Variants in GYS1 observed in about 807,000 individuals in gnomAD.
GYS1 encodes the protein glycogen synthase 1, also known as glycogen [starch] synthase, muscle.
A neutral mutation model predicts 89.1 loss-of-function variants in GYS1; 60 were observed. The observed-to-expected ratio is 0.67, with a 90% CI of 0.55 to 0.84. The LOEUF is 0.84. GYS1 is among the 40% of genes least tolerant of loss of function. The pLI, the probability that GYS1 is intolerant of heterozygous loss-of-function variation, is 0.00. For synonymous variants in GYS1, 366 were observed against 401.7 expected (o/e 0.91, Z 1.06); for missense variants, 888 against 1,003.1 (o/e 0.89, Z 1.55).
intron 5 of GYS1, 90 bp downstream of exon 5, chr19:48,985,371 C>T: frequency 1.5e-6 from 2 of 1,330,122 alleles, no homozygotes; most frequent in Non-Finnish European, 2.1e-6. Context: ...TTTCAACTTA[C>T]AGTGGGCTTC....
In GYS1 at chr19:48,991,586, C is replaced by T. The variant is rs2038929305; in HGVS notation, c.119-103G>A. ...TGTAGGGGGCACTCAGGCCCCAGACCTCTAGCTCAGGGGGAAGAGGGGACT... is the reference window on the plus strand; with the variant it reads ...TGTAGGGGGCACTCAGGCCCCAGACTTCTAGCTCAGGGGGAAGAGGGGACT... On this transcript the variant is annotated intron_variant, in intron 1 of 15. Coordinates refer to ENST00000323798, the MANE Select transcript of GYS1 (RefSeq NM_002103.5). The surrounding 1 kb of genome is among the most constrained non-coding windows in gnomAD (Gnocchi z 4.7). 2 of 1,267,564 alleles carry T rather than the reference C, an allele frequency of 1.6e-6. No individual in the cohort carries two copies. Among genetic ancestry groups the T allele is most frequent in the Non-Finnish European group, 1.1e-6 (1 of 880,560 alleles). 78.5% of individuals were successfully genotyped at this position (1,267,564 alleles called of 1,614,324 possible). A position where few individuals can be genotyped will look rare whatever the true frequency, so the allele number is the denominator to read the frequency against.
chr19:48,992,354 G>C (rs902453639), intron 1 of GYS1, among the ~76,000 whole-genome samples: 2 of 152,044 alleles, frequency 1.3e-5, no homozygotes, highest in African/African-American at 4.8e-5. Flanking sequence ...TCCCATCCTA[G>C]GGCCCAGCCT....
chr19:48,970,139 T>C (rs1479843410), intron 14 of GYS1: 2 of 514,098 alleles, frequency 3.9e-6, no homozygotes, highest in Non-Finnish European at 7.0e-6. Context: ...TTTTTTTCTT[T>C]TTAAACACGG....
intron 5 of GYS1, among the ~76,000 whole-genome samples, chr19:48,983,133 T>C (rs1341653916): frequency 6.6e-6 from 1 of 152,046 alleles, no homozygotes; most frequent in Non-Finnish European, 1.5e-5. Context: ...ACTACAGGCG[T>C]GCACTACCAC....
At chr19:48,970,194 G>A (rs1287410006) in intron 14 of GYS1, 35 of 466,124 alleles carry the variant, frequency 7.5e-5, no homozygotes, top group Middle Eastern at 6.0e-4. Context: ...GTTTGAACAA[G>A]GCTCACTGCA....
chr19:48,981,710 G>A, intron 7 of GYS1, 74 bp from the exon 8 acceptor site: 1 of 908,456 alleles, frequency 1.1e-6, no homozygotes, highest in Middle Eastern at 2.2e-4. Context: ...TTTCTGTCAA[G>A]ACCACTGGGA....
intron 10 of GYS1, among the ~76,000 whole-genome samples, chr19:48,976,845 G>A (rs2122487146): frequency 6.8e-6 from 1 of 146,806 alleles, no homozygotes; most frequent in South Asian, 2.1e-4. Flanking sequence ...GCTCACTGCA[G>A]CGGCATAATC....
chr19:48,988,797 G>GT (rs2038879049), intron 2 of GYS1, among the ~76,000 whole-genome samples: 1 of 151,738 alleles, frequency 6.6e-6, no homozygotes, highest in Non-Finnish European at 1.5e-5. Context: ...TAACTTTTTT[G>GT]TAAGGACAGG....
intron 10 of GYS1, among the ~76,000 whole-genome samples, chr19:48,977,718 A>C (rs1185290171): frequency 6.6e-6 from 1 of 152,224 alleles, no homozygotes; most frequent in Non-Finnish European, 1.5e-5. Flanking sequence ...CACAGAAAAC[A>C]GCCCACCCTA....
chr19:48,968,770 A>T lies in GYS1; in HGVS notation c.*518T>A, dbSNP rs1353008862. The T allele has an allele frequency of 2.2e-6, 1 of 454,214 alleles. No homozygotes were observed. The highest frequency in any genetic ancestry group is 4.4e-6 in the Non-Finnish European group (1 of 226,942). The allele number at this position is 454,214 out of a possible 1,614,324, so 28.1% of individuals were successfully genotyped here. A position where few individuals can be genotyped will look rare whatever the true frequency, so the allele number is the denominator to read the frequency against. Reference sequence around the variant, plus strand: ...AGCCCCACTTCTGGAGTTGAAATGGAGGACCATCTGCTCTCAGTTACCTTC... The same window carrying T: ...AGCCCCACTTCTGGAGTTGAAATGGTGGACCATCTGCTCTCAGTTACCTTC... On this transcript the variant is annotated 3_prime_UTR_variant, in exon 16 of 16. Transcript: ENST00000323798.
chr19:48,971,114 C>A, intron 12 of GYS1, 91 bp from the exon 13 acceptor site: 2 of 875,644 alleles, frequency 2.3e-6, no homozygotes, highest in Admixed American at 1.8e-5. Flanking sequence ...CCTCTACTGG[C>A]GCCTGTACCA....
rs560070875 is a variant in GYS1 at position 48,985,953 on chromosome 19, C to T, written c.575G>A (p.Arg192His). ...GGTTGCTACAGGCAGTCGCCGGGCA[C>T]GACACAGGCAGAGTCCAACGCCTGC... is the stretch of plus-strand genomic sequence containing the variant. ...WLAGVGLCLCRARRLPVATIF... is the reference protein window; with the variant it reads ...WLAGVGLCLCHARRLPVATIF... Residue 192 changes from arginine (R) to histidine (H), a missense_variant, in exon 4 of 16, where the codon CGT becomes CAT. Arg to His is a conservative substitution (Grantham distance 29). Transcript: ENST00000323798. 1.2e-5 allele frequency: 19 copies of T among 1,614,138 alleles called. No homozygotes were observed. The Middle Eastern group carries it at 5.0e-4, about 42-fold the overall frequency.
At chr19:48,973,125 A>G (rs1395714743) in intron 12 of GYS1, among the ~76,000 whole-genome samples, 2 of 152,144 alleles carry the variant, frequency 1.3e-5, no homozygotes, top group Non-Finnish European at 2.9e-5. Flanking sequence ...TGTTCTCATG[A>G]TAGTGAGTGA....
chr19:48,970,157 C>T lies in GYS1; in HGVS notation c.1810-302G>A, dbSNP rs558595283. On this transcript the variant is annotated intron_variant, in intron 14 of 15. Coordinates refer to ENST00000323798, the MANE Select transcript of GYS1 (RefSeq NM_002103.5). ...TTTTCTTTTTAAACACGGTCTTGTT[C>T]TGTTACTCTAGGATGGAGTGCAGTG... 85 of 493,330 alleles carry T rather than the reference C, an allele frequency of 1.7e-4. No individual in the cohort carries two copies. The East Asian group carries it at 2.8e-3, about 16-fold the overall frequency. The allele number at this position is 493,330 out of a possible 1,614,324, so 30.6% of individuals were successfully genotyped here. A position where few individuals can be genotyped will look rare whatever the true frequency, so the allele number is the denominator to read the frequency against.
chr19:48,989,901 TGGAGAAGCAGCCCCGCTCCTC>T (rs2122534069), intron 2 of GYS1, among the ~76,000 whole-genome samples: 1 of 148,676 alleles, frequency 6.7e-6, no homozygotes, highest in Admixed American at 6.8e-5. Flanking sequence ...GCCACAGCAG[TGGAGAAGCAGCCCCGCTCCTC>T]GCCGACCTGG....
intron 3 of GYS1, 90 bp downstream of exon 3, chr19:48,987,104 G>A (rs1232419377): frequency 2.2e-6 from 2 of 929,436 alleles, no homozygotes; most frequent in East Asian, 5.0e-5. Flanking sequence ...ATGACTCCCA[G>A]AATGCCCAGG....
At position 48,970,682 on chromosome 19, in the gene GYS1, CGGA is replaced by C. The variant is rs774833368; in HGVS notation, c.1670_1672del (p.Phe557_Arg558delinsCys). 2.5e-6 allele frequency: 4 copies of C among 1,613,854 alleles called. No individual in the cohort carries two copies. The highest frequency in any genetic ancestry group is 3.4e-6 in the Non-Finnish European group (4 of 1,179,948). ...CTGCGAGCAGGAATCATCCAGGCTG[CGGA>C]ACCGCCGGTCAAGAATGTAGATACC... On this transcript the variant is annotated inframe_deletion, in exon 14 of 16. Transcript: ENST00000323798.
chr19:48,990,560 A>G (rs1009794844), intron 2 of GYS1, among the ~76,000 whole-genome samples: 1 of 152,200 alleles, frequency 6.6e-6, no homozygotes, highest in Non-Finnish European at 1.5e-5. Flanking sequence ...GACGATGATC[A>G]TAACAATGAC....
At chr19:48,980,706 G>A (rs538309110) in intron 8 of GYS1, among the ~76,000 whole-genome samples, 6 of 151,798 alleles carry the variant, frequency 4.0e-5, no homozygotes, top group South Asian at 2.1e-4. Flanking sequence ...TAAGCCAGGC[G>A]CAGTGGCTCA....
Sources: allele counts gnomAD v4.1 joint callset (sites outside exome capture counted in the v4.1 genomes callset), GRCh38; gene constraint gnomAD v4.1.1; non-coding constraint Gnocchi (gnomAD v3.1); transcripts MANE v1.5; gene names NCBI Gene and HGNC (gene_info 2026-07-23, HGNC 2026-07-21).